DRAXIN: variants seen among roughly 807,000 people sequenced by gnomAD.
DRAXIN encodes dorsal inhibitory axon guidance protein, also known as dorsal repulsive axon guidance protein.
A neutral mutation model predicts 33.9 loss-of-function variants in DRAXIN; 27 were observed. The ratio of observed to expected loss-of-function variants is 0.80; its 90% CI spans 0.59 to 1.10. DRAXIN has a LOEUF of 1.10. Ranked by LOEUF, DRAXIN falls within the 50% of genes least tolerant of loss-of-function variation. DRAXIN has a pLI of 0.00. For missense variants in DRAXIN, 371 were observed against 460.8 expected (o/e 0.81, Z 1.78); for synonymous variants, 178 against 194.0 (o/e 0.92, Z 0.69).
intron 1 of DRAXIN, among the ~76,000 whole-genome samples, chr1:11,697,754 A>C (rs1641213647): frequency 6.6e-6 from 1 of 152,126 alleles, no homozygotes; most frequent in Non-Finnish European, 1.5e-5. Flanking sequence ...GCAAGGAGGC[A>C]GCAGTCCCCA....
chr1:11,709,152 C>A, intron 2 of DRAXIN, 123 bp from the exon 3 acceptor site: 1 of 1,075,920 alleles, frequency 9.3e-7, no homozygotes, highest in Non-Finnish European at 1.3e-6. Flanking sequence ...GGGGGCTGAA[C>A]CAAGGGCTTG....
chr1:11,695,611 A>AATAT (rs1158817614), intron 1 of DRAXIN, among the ~76,000 whole-genome samples: 3 of 145,174 alleles, frequency 2.1e-5, no homozygotes, highest in African/African-American at 5.1e-5. Flanking sequence ...CAAAAAAAAA[A>AATAT]ATATATATAT....
chr1:11,724,270 G>C lies in DRAXIN; in HGVS notation c.*4574G>C, dbSNP rs1028080049. 6.6e-6 allele frequency: 1 copy of C among 152,288 alleles called. No homozygotes were observed. Among genetic ancestry groups the C allele is most frequent in the Non-Finnish European group, 1.5e-5 (1 of 68,110 alleles). The allele number at this position is 152,288 out of a possible 1,614,324, so 9.4% of individuals were successfully genotyped here. Reference sequence around the variant, plus strand: ...TCTAAAATGATACCCTGGGTGGAGTGGGGGAGCTGAGCAGGAGGCCAGGTG... The same window carrying C: ...TCTAAAATGATACCCTGGGTGGAGTCGGGGAGCTGAGCAGGAGGCCAGGTG... On this transcript the variant is annotated 3_prime_UTR_variant, in exon 7 of 7. Coordinates refer to ENST00000294485, the MANE Select transcript of DRAXIN (RefSeq NM_198545.4).
At chr1:11,697,657 G>A (rs1470538986) in intron 1 of DRAXIN, among the ~76,000 whole-genome samples, 1 of 152,186 alleles carries the variant, frequency 6.6e-6, no homozygotes, top group East Asian at 1.9e-4. Flanking sequence ...TGGAGCAGGT[G>A]CCCTTGTCTG....
At chr1:11,717,594 G>A (rs527602478) in intron 6 of DRAXIN, among the ~76,000 whole-genome samples, 3 of 145,310 alleles carry the variant, frequency 2.1e-5, no homozygotes, top group East Asian at 2.1e-4. Flanking sequence ...ACCAGGAGGC[G>A]GAGGTTGCAG....
At chr1:11,708,168 C>A (rs79383189) in intron 2 of DRAXIN, among the ~76,000 whole-genome samples, 1,537 of 152,330 alleles carry the variant, frequency 0.01, 34 homozygotes, top group African/African-American at 0.035. Flanking sequence ...AGAGGGCACG[C>A]GTGGGGTGTG....
chr1:11,718,137 C>A (rs12757941), intron 6 of DRAXIN, among the ~76,000 whole-genome samples: 1 of 125,922 alleles, frequency 7.9e-6, no homozygotes, highest in South Asian at 2.5e-4. Context: ...AACCCCATCT[C>A]TGCTAAAAAA....
chr1:11,719,644 G>T lies in DRAXIN; in HGVS notation c.998G>T (p.Cys333Phe). 6.2e-7 allele frequency: 1 copy of T among 1,614,156 alleles called. No homozygotes were observed. Among genetic ancestry groups the T allele is most frequent in the Non-Finnish European group, 8.5e-7 (1 of 1,180,022 alleles). Residue 333 changes from cysteine (C) to phenylalanine (F), a missense_variant, in exon 7 of 7, where the codon TGT becomes TTT. By Grantham distance (205) the Cys-to-Phe change is radical. Coordinates refer to ENST00000294485, the MANE Select transcript of DRAXIN (RefSeq NM_198545.4). ...AGGGTTACACGGAGGAAAGGGCGCT[G>T]TGTGGAGCCCGAGACGGCCAACGGC... The part of the protein sequence containing the change: ...NRRVTRRKGR[C>F]VEPETANGDQ...
chr1:11,711,820 T>C (rs1157309381), intron 3 of DRAXIN, 31 bp from the exon 4 acceptor site: 2 of 1,584,294 alleles, frequency 1.3e-6, no homozygotes, highest in African/African-American at 2.7e-5. Context: ...GATTTGAAGG[T>C]TCCAACATCC....
In DRAXIN at chr1:11,705,276, G is replaced by A. The variant is rs573518928; in HGVS notation, c.-10-973G>A. Among the ~76,000 whole-genome samples the A allele has an allele frequency of 3.2e-4, 48 of 152,244 alleles. No homozygotes were observed. The highest frequency in any genetic ancestry group is 5.6e-4 in the Non-Finnish European group (38 of 68,016). On this transcript the variant is annotated intron_variant, in intron 1 of 6. Transcript: ENST00000294485. The surrounding 1 kb of genome is among the most constrained non-coding windows in gnomAD (Gnocchi z 4.8). ...GGTGCAATGGAGAGGGGTGCGTGGGGGAGCAGCTGCGGGTGGTGCACGGGG... is the reference window on the plus strand; with the variant it reads ...GGTGCAATGGAGAGGGGTGCGTGGGAGAGCAGCTGCGGGTGGTGCACGGGG...
At chr1:11,699,126 A>G (rs1641234427) in intron 1 of DRAXIN, among the ~76,000 whole-genome samples, 1 of 152,226 alleles carries the variant, frequency 6.6e-6, no homozygotes, top group South Asian at 2.1e-4. Context: ...GTCATAGATC[A>G]TAAATTCTCA....
chr1:11,711,609 C>CTG (rs1641496311), intron 3 of DRAXIN, among the ~76,000 whole-genome samples: 1 of 152,064 alleles, frequency 6.6e-6, no homozygotes, highest in Non-Finnish European at 1.5e-5. Flanking sequence ...GGTAACTCAC[C>CTG]TGTGTGTGTG....
At chr1:11,709,061 AGC>A (rs1641434186) in intron 2 of DRAXIN, among the ~76,000 whole-genome samples, 1 of 152,198 alleles carries the variant, frequency 6.6e-6, no homozygotes, top group East Asian at 1.9e-4. Context: ...CTGTCTCCCC[AGC>A]GACACTGCAA....
At chr1:11,687,989 A>G (rs993180695), upstream of DRAXIN, among the ~76,000 whole-genome samples, 1 of 152,112 alleles carries the variant, frequency 6.6e-6, no homozygotes, top group Non-Finnish European at 1.5e-5. The surrounding 1 kb of genome is among the most constrained non-coding windows in gnomAD (Gnocchi z 4.1). Context: ...CCTAACATCC[A>G]CCTTTTCATA....
chr1:11,706,733 G>A lies in DRAXIN; in HGVS notation c.451+24G>A, dbSNP rs781584056. The A allele has an allele frequency of 1.3e-6, 2 of 1,521,414 alleles. No homozygotes were observed. Among genetic ancestry groups the A allele is most frequent in the African/African-American group, 2.7e-5 (2 of 73,022 alleles). 94.2% of individuals were successfully genotyped at this position (1,521,414 alleles called of 1,614,324 possible). A position where few individuals can be genotyped will look rare whatever the true frequency, so the allele number is the denominator to read the frequency against. On this transcript the variant is annotated intron_variant, in intron 2 of 6. Transcript: ENST00000294485. The surrounding 1 kb of genome is among the most constrained non-coding windows in gnomAD (Gnocchi z 5.5). ...AGGTAGCTGGAGGGCTGCGAGGGGT[G>A]GGGATGGGGGTGATTCCTGCCATGG...
Position 11,704,939 on chromosome 1 carries a change from C to T in DRAXIN, c.-10-1310C>T, listed in dbSNP as rs1641355289. ...GGCTGGAGAAGGTGTTTCCCCCCTCCCCTCCACGAGTGCGTGGTCAGAGCT... is the reference window on the plus strand; with the variant it reads ...GGCTGGAGAAGGTGTTTCCCCCCTCTCCTCCACGAGTGCGTGGTCAGAGCT... On this transcript the variant is annotated intron_variant, in intron 1 of 6. Transcript: ENST00000294485. This position sits in a 1 kb window ranked among gnomAD's most constrained non-coding sequence, Gnocchi z 4.6. 6.6e-6 allele frequency among the ~76,000 whole-genome samples: 1 copy of T among 152,194 alleles called. No homozygotes were observed. The highest frequency in any genetic ancestry group is 2.1e-4 in the South Asian group (1 of 4,830).
At chr1:11,688,659 C>T (rs1641005919), upstream of DRAXIN, among the ~76,000 whole-genome samples, 1 of 152,218 alleles carries the variant, frequency 6.6e-6, no homozygotes. The surrounding 1 kb of genome is among the most constrained non-coding windows in gnomAD (Gnocchi z 4.6). Flanking sequence ...CTCAAGTCCT[C>T]CCTGTGGCCT....
Position 11,723,492 on chromosome 1 carries a change from A to G in DRAXIN, c.*3796A>G, listed in dbSNP as rs1234267412. 3.3e-5 allele frequency: 5 copies of G among 151,812 alleles called. No individual in the cohort carries two copies. Among genetic ancestry groups the G allele is most frequent in the Non-Finnish European group, 5.9e-5 (4 of 67,984 alleles). 9.4% of individuals were successfully genotyped at this position (151,812 alleles called of 1,614,324 possible). On this transcript the variant is annotated 3_prime_UTR_variant, in exon 7 of 7. Transcript: ENST00000294485. ...CTCACAGCTTTGGCAACCTTAGGAA[A>G]GTTTCTTAAGGTCTCTGTGCCTTGA... is the stretch of plus-strand genomic sequence containing the variant.
At chr1:11,703,077 T>C (rs1230709900) in intron 1 of DRAXIN, among the ~76,000 whole-genome samples, 1 of 152,252 alleles carries the variant, frequency 6.6e-6, no homozygotes, top group African/African-American at 2.4e-5. Context: ...AATCCACTTC[T>C]GTTCTGATCC....
Sources: allele counts gnomAD v4.1 joint callset (sites outside exome capture counted in the v4.1 genomes callset), GRCh38; gene constraint gnomAD v4.1.1; non-coding constraint Gnocchi (gnomAD v3.1); transcripts MANE v1.5; gene names NCBI Gene and HGNC (gene_info 2026-07-23, HGNC 2026-07-21).